Variants in FGF10 observed in about 807,000 individuals in gnomAD.
FGF10 encodes FGF-10.
In FGF10, 2 loss-of-function variants were observed where a neutral mutation model predicts 19.8. That is an observed-to-expected ratio of 0.10 (90% CI 0.04 to 0.32). The LOEUF (loss-of-function observed/expected upper bound fraction) is 0.32, where lower values mean the gene tolerates loss of function less well. Ranked by LOEUF, FGF10 falls within the 10% of genes least tolerant of loss-of-function variation. The probability of loss-of-function intolerance (pLI) is 1.00; values close to 1 mark genes in which losing one functional copy is unlikely to be tolerated. For synonymous variants in FGF10, 112 were observed against 94.0 expected (o/e 1.19, Z -1.10); for missense variants, 191 against 246.3 (o/e 0.78, Z 1.50).
rs1031285351 is a variant in FGF10, at chr5:44,302,832, A to G, written c.*2163T>C. 2.0e-5 allele frequency among the ~76,000 whole-genome samples: 3 copies of G among 152,188 alleles called. No individual in the cohort carries two copies. Among genetic ancestry groups the G allele is most frequent in the African/African-American group, 7.2e-5 (3 of 41,452 alleles). ...CTTTAGTAATCTAAATGTCTATGTGAAATAAGAATCCAGTTTGTGCCCTGT... is the reference window on the plus strand; with the variant it reads ...CTTTAGTAATCTAAATGTCTATGTGGAATAAGAATCCAGTTTGTGCCCTGT... On this transcript the variant is annotated 3_prime_UTR_variant, in exon 3 of 3. Coordinates refer to ENST00000264664, the MANE Select transcript of FGF10 (RefSeq NM_004465.2).
At chr5:44,361,935 TC>T (rs1741491605) in intron 1 of FGF10, among the ~76,000 whole-genome samples, 1 of 151,628 alleles carries the variant, frequency 6.6e-6, no homozygotes, top group Non-Finnish European at 1.5e-5. Context: ...TCTCAACTGC[TC>T]CCTTTACCAG....
chr5:44,309,122 T>C (rs1740151250), intron 2 of FGF10, among the ~76,000 whole-genome samples: 1 of 152,192 alleles, frequency 6.6e-6, no homozygotes, highest in Non-Finnish European at 1.5e-5. Flanking sequence ...CAGGATCTGT[T>C]TACAAAAGTA....
chr5:44,316,687 C>T (rs1002409632), intron 1 of FGF10, among the ~76,000 whole-genome samples: 19 of 152,096 alleles, frequency 1.2e-4, no homozygotes, highest in Admixed American at 1.0e-3. Context: ...GGCAGCTTAA[C>T]AACAAGAAAA....
chr5:44,371,269 C>T (rs542524840), intron 1 of FGF10, among the ~76,000 whole-genome samples: 1 of 152,088 alleles, frequency 6.6e-6, no homozygotes, highest in Non-Finnish European at 1.5e-5. Context: ...TTCTCTGCTG[C>T]CACGGTGCCC....
intron 1 of FGF10, among the ~76,000 whole-genome samples, chr5:44,330,804 A>T (rs1740716193): frequency 6.6e-6 from 1 of 152,170 alleles, no homozygotes; most frequent in Non-Finnish European, 1.5e-5. Context: ...CTCTTAGAAA[A>T]ATGTCAAAAT....
intron 1 of FGF10, among the ~76,000 whole-genome samples, chr5:44,311,980 C>G (rs1740221077): frequency 6.6e-6 from 1 of 152,020 alleles, no homozygotes; most frequent in Admixed American, 6.6e-5. Flanking sequence ...GCCAAGTTGA[C>G]ATAACCAGAG....
chr5:44,321,287 A>T (rs1300759026), intron 1 of FGF10, among the ~76,000 whole-genome samples: 1 of 152,210 alleles, frequency 6.6e-6, no homozygotes, highest in Non-Finnish European at 1.5e-5. Flanking sequence ...CACAATTGTT[A>T]GAGAGGACTA....
At chr5:44,320,084 G>A (rs1740448069) in intron 1 of FGF10, among the ~76,000 whole-genome samples, 1 of 152,166 alleles carries the variant, frequency 6.6e-6, no homozygotes, top group African/African-American at 2.4e-5. Flanking sequence ...TGGGTTGCAT[G>A]CTTCTTATGA....
intron 1 of FGF10, among the ~76,000 whole-genome samples, chr5:44,311,690 T>G (rs1273527613): frequency 6.6e-6 from 1 of 152,158 alleles, no homozygotes; most frequent in Admixed American, 6.6e-5. Flanking sequence ...TCTCCAACAG[T>G]GCTAGATTTT....
intron 1 of FGF10, among the ~76,000 whole-genome samples, chr5:44,331,411 C>T (rs1402646482): frequency 6.6e-6 from 1 of 152,030 alleles, no homozygotes; most frequent in Non-Finnish European, 1.5e-5. Flanking sequence ...TTAAATAATT[C>T]CATTGATAAT....
chr5:44,323,378 A>G (rs1740541433), intron 1 of FGF10, among the ~76,000 whole-genome samples: 1 of 152,208 alleles, frequency 6.6e-6, no homozygotes, highest in South Asian at 2.1e-4. Flanking sequence ...ATTGTATTTT[A>G]AGAAAGTAAT....
intron 2 of FGF10, among the ~76,000 whole-genome samples, chr5:44,307,474 A>C (rs1426913477): frequency 6.6e-6 from 1 of 152,168 alleles, no homozygotes; most frequent in South Asian, 2.1e-4. Context: ...CCCATCAGTC[A>C]GGAGAAAACT....
rs1408093863 is a variant in FGF10, at chr5:44,301,507, C to A, written c.*3488G>T. On this transcript the variant is annotated 3_prime_UTR_variant, in exon 3 of 3. Transcript: ENST00000264664. ...CAAATCAAATTCATTGGTCATTCAT[C>A]CCCTTGAAATCAGATTCTGCAGCCA... Among the ~76,000 whole-genome samples, 1 of 152,116 alleles carries A rather than the reference C, an allele frequency of 6.6e-6. No homozygotes were observed. The highest frequency in any genetic ancestry group is 1.5e-5 in the Non-Finnish European group (1 of 68,018).
chr5:44,376,516 AAC>A (rs1554039722), intron 1 of FGF10, among the ~76,000 whole-genome samples: 18 of 134,306 alleles, frequency 1.3e-4, no homozygotes, highest in South Asian at 2.3e-4. Flanking sequence ...AAAAAAAAAA[AAC>A]AAAAAACCCA....
chr5:44,306,523 G>A (rs541788177), intron 2 of FGF10, among the ~76,000 whole-genome samples: 2 of 138,398 alleles, frequency 1.4e-5, no homozygotes, highest in South Asian at 4.5e-4. Flanking sequence ...TTCATCCAAA[G>A]CAAGGGCCCC....
At chr5:44,336,391 T>C (rs1469426748) in intron 1 of FGF10, among the ~76,000 whole-genome samples, 1 of 152,218 alleles carries the variant, frequency 6.6e-6, no homozygotes, top group Non-Finnish European at 1.5e-5. Flanking sequence ...GATTTCATAA[T>C]ATTCAGAGAT....
chr5:44,379,159 A>G (rs1741934367), intron 1 of FGF10, among the ~76,000 whole-genome samples: 1 of 152,188 alleles, frequency 6.6e-6, no homozygotes, highest in Admixed American at 6.5e-5. Flanking sequence ...GTTTTCTATT[A>G]AAACACTGTA....
chr5:44,380,855 G>A (rs751321163), intron 1 of FGF10, among the ~76,000 whole-genome samples: 4 of 152,024 alleles, frequency 2.6e-5, no homozygotes, highest in African/African-American at 7.2e-5. Flanking sequence ...TATCCAGGCA[G>A]GGTGGTACAT....
Position 44,343,251 on chromosome 5 carries a change from T to A in FGF10, c.326-32721A>T, listed in dbSNP as rs147263735. On this transcript the variant is annotated intron_variant, in intron 1 of 2. Coordinates refer to ENST00000264664, the MANE Select transcript of FGF10 (RefSeq NM_004465.2). ...CTATGAATCCTAAAGTCTTATCAAA[T>A]GACAAGAAAACAAAGAATCATTACA... is the stretch of plus-strand genomic sequence containing the variant. Among the ~76,000 whole-genome samples the A allele has an allele frequency of 1.8e-4, 27 of 152,188 alleles. No homozygotes were observed. In the East Asian group the frequency reaches 5.0e-3, roughly 28 times the overall value.
Sources: allele counts gnomAD v4.1 joint callset (sites outside exome capture counted in the v4.1 genomes callset), GRCh38; gene constraint gnomAD v4.1.1; transcripts MANE v1.5; gene names NCBI Gene and HGNC (gene_info 2026-07-23, HGNC 2026-07-21).